KLF12: variants seen among roughly 807,000 people sequenced by gnomAD.
The protein encoded by KLF12 is Krueppel-like factor 12.
A neutral mutation model predicts 37.8 loss-of-function variants in KLF12; 9 were observed. The observed-to-expected ratio is 0.24, with a 90% CI of 0.14 to 0.42. The LOEUF (loss-of-function observed/expected upper bound fraction) is 0.42, where lower values mean the gene tolerates loss of function less well. Ranked by LOEUF, KLF12 falls within the 10% of genes least tolerant of loss-of-function variation. The pLI, the probability that KLF12 is intolerant of heterozygous loss-of-function variation, is 1.00. For synonymous variants in KLF12, 208 were observed against 202.1 expected, an observed-to-expected ratio of 1.03 and a Z score of -0.25; for missense variants, 411 against 516.0, an observed-to-expected ratio of 0.80 and a Z score of 1.97.
chr13:74,284,645 C>T, the KLF12 span, among the ~76,000 whole-genome samples: 1 of 152,126 alleles, frequency 6.6e-6, no homozygotes, highest in Non-Finnish European at 1.5e-5. Context: ...ATTCATGGCT[C>T]CCTGACAAAA....
At chr13:73,921,455 TCTTGTGC>T (rs1889113773) in intron 3 of KLF12, among the ~76,000 whole-genome samples, 1 of 152,180 alleles carries the variant, frequency 6.6e-6, no homozygotes, top group Admixed American at 6.6e-5. Flanking sequence ...TTTTTTCTTG[TCTTGTGC>T]CTAACTCAAT....
intron 1 of KLF12, among the ~76,000 whole-genome samples, chr13:74,116,867 T>C (rs893605041): frequency 7.0e-4 from 106 of 152,184 alleles, no homozygotes; most frequent in African/African-American, 2.4e-3. Flanking sequence ...AAATAAAACA[T>C]CCCTAATATC....
intron 6 of KLF12, among the ~76,000 whole-genome samples, chr13:73,748,223 C>T (rs1429785648): frequency 2.6e-5 from 4 of 152,118 alleles, no homozygotes; most frequent in Non-Finnish European, 5.9e-5. Context: ...AAGACAAAGT[C>T]GGACTGAAGT....
In KLF12 at chr13:74,022,043, T is replaced by C. The variant is rs1461882125; in HGVS notation, c.-31-26990A>G. ...TGAAGGCGGCTTTCATTCCAAGTCA[T>C]CTACATGCAAAAGACCTGCTTTAAA... On this transcript the variant is annotated intron_variant, in intron 1 of 7. Transcript: ENST00000377669. Among the ~76,000 whole-genome samples the C allele has an allele frequency of 2.0e-5, 3 of 152,212 alleles. No homozygotes were observed. The East Asian group carries it at 5.8e-4, about 29-fold the overall frequency.
At chr13:73,953,983 T>C (rs1201019980) in intron 2 of KLF12, among the ~76,000 whole-genome samples, 1 of 137,382 alleles carries the variant, frequency 7.3e-6, no homozygotes, top group African/African-American at 2.8e-5. Context: ...TTTTTTTTTT[T>C]TTTTTTTTTT....
At chr13:73,775,061 G>A (rs112570031) in intron 5 of KLF12, among the ~76,000 whole-genome samples, 24,632 of 151,828 alleles carry the variant, frequency 0.16, 2,594 homozygotes, top group East Asian at 0.38. Flanking sequence ...GGGATTACAG[G>A]TATGTGCCAC....
At chr13:73,970,576 G>A (rs1440725731) in intron 2 of KLF12, among the ~76,000 whole-genome samples, 6 of 152,162 alleles carry the variant, frequency 3.9e-5, no homozygotes, top group Non-Finnish European at 7.3e-5. Flanking sequence ...CCAGGTTGGC[G>A]GGGCCAGCTT....
chr13:74,284,720 C>G, the KLF12 span, among the ~76,000 whole-genome samples: 1 of 152,116 alleles, frequency 6.6e-6, no homozygotes, highest in Non-Finnish European at 1.5e-5. Context: ...GAGAGGAGGG[C>G]TTTTCAATGG....
chr13:74,140,348 C>T, the KLF12 span, among the ~76,000 whole-genome samples: 1 of 152,000 alleles, frequency 6.6e-6, no homozygotes, highest in Non-Finnish European at 1.5e-5. Flanking sequence ...TGTAGAGAGA[C>T]TCTGTCTCTA....
At chr13:74,046,838 A>G (rs1893560605) in intron 1 of KLF12, among the ~76,000 whole-genome samples, 1 of 152,230 alleles carries the variant, frequency 6.6e-6, no homozygotes, top group Non-Finnish European at 1.5e-5. Flanking sequence ...AAGGCAAAGA[A>G]TATTTTGCAT....
chr13:74,131,139 A>G (rs546208277), intron 1 of KLF12, among the ~76,000 whole-genome samples: 3 of 152,282 alleles, frequency 2.0e-5, no homozygotes, highest in African/African-American at 7.2e-5. Flanking sequence ...GATAAAACAC[A>G]CCTATATTTA....
intron 3 of KLF12, among the ~76,000 whole-genome samples, chr13:73,933,846 G>C (rs1251333346): frequency 6.6e-6 from 1 of 151,308 alleles, no homozygotes; most frequent in Admixed American, 6.6e-5. Flanking sequence ...CTTAATTGTG[G>C]TAAAGAACAT....
chr13:73,695,514 G>A lies in KLF12; in HGVS notation c.1185C>T (p.His395=), dbSNP rs1200930525. The A allele has an allele frequency of 6.2e-7, 1 of 1,614,004 alleles. No homozygotes were observed. The highest frequency in any genetic ancestry group is 2.2e-5 in the East Asian group (1 of 44,874). The stretch of plus-strand genomic sequence containing the variant: ...CTCACACCAACATATGCCTCCGGCG[G>A]TGCAGGGCCAAATGATCTGACCGGG... Residue 395 remains histidine (H), a synonymous_variant, in exon 8 of 8, where the codon CAC becomes CAT. Transcript: ENST00000377669.
intron 5 of KLF12, among the ~76,000 whole-genome samples, chr13:73,797,935 G>GT (rs1882083687): frequency 6.6e-6 from 1 of 152,038 alleles, no homozygotes; most frequent in Non-Finnish European, 1.5e-5. Flanking sequence ...CTTCCTGATT[G>GT]TTTTTTGGCG....
At position 73,738,110 on chromosome 13, in the gene KLF12, T is replaced by TACACAC. The variant is rs1566331198; in HGVS notation, c.870-22586_870-22585insGTGTGT. Among the ~76,000 whole-genome samples, 377 of 90,298 alleles carry TACACAC rather than the reference T, an allele frequency of 4.2e-3. 2 individuals carry two copies. Among genetic ancestry groups the TACACAC allele is most frequent in the African/African-American group, 0.016 (349 of 22,128 alleles). 59.2% of individuals were successfully genotyped at this position (90,298 alleles called of 152,430 possible). Reference sequence around the variant, plus strand: ...ATGTGTACATATATATATATATATATATATATATATATATACACACACACA... The same window carrying TACACAC: ...ATGTGTACATATATATATATATATATACACACATATATATATATATACACACACACA... On this transcript the variant is annotated intron_variant, in intron 6 of 7. Transcript: ENST00000377669.
At chr13:73,769,083 A>G (rs1880114174) in intron 5 of KLF12, among the ~76,000 whole-genome samples, 1 of 152,220 alleles carries the variant, frequency 6.6e-6, no homozygotes, top group Non-Finnish European at 1.5e-5. Flanking sequence ...GGGTACTTAT[A>G]AGAAGCACAG....
At chr13:73,902,819 T>C (rs73539930) in intron 3 of KLF12, among the ~76,000 whole-genome samples, 7,154 of 152,314 alleles carry the variant, frequency 0.047, 384 homozygotes, top group African/African-American at 0.13. Flanking sequence ...TAAAGTTCCG[T>C]GTTACTTTCA....
At chr13:74,256,111 C>T in the KLF12 span, among the ~76,000 whole-genome samples, 863 of 149,906 alleles carry the variant, frequency 5.8e-3, 10 homozygotes, top group African/African-American at 0.02. Flanking sequence ...GGGGAGATCG[C>T]GCCACTGCAC....
At chr13:73,736,106 C>A (rs567010854) in intron 6 of KLF12, among the ~76,000 whole-genome samples, 3 of 152,218 alleles carry the variant, frequency 2.0e-5, no homozygotes, top group African/African-American at 7.2e-5. Flanking sequence ...CAAGATGAAT[C>A]TCCTAGTCTC....
Sources: gnomAD v4.1 joint callset for allele counts (sites outside exome capture counted in the v4.1 genomes callset) on GRCh38, gnomAD v4.1.1 for gene constraint, MANE v1.5 for transcripts, NCBI Gene and HGNC (gene_info 2026-07-23, HGNC 2026-07-21) for gene names.